The following WWOX variants were observed in gnomAD, a reference collection of about 807,000 sequenced individuals.
The protein encoded by WWOX is WW domain containing oxidoreductase.
WWOX carries 69 observed loss-of-function variants against 46.2 expected under a neutral mutation model. The ratio of observed to expected loss-of-function variants is 1.49; its 90% CI spans 1.23 to 1.82. The LOEUF (loss-of-function observed/expected upper bound fraction) is 1.82, where lower values mean the gene tolerates loss of function less well. Ranked by LOEUF, WWOX falls within the 40% of genes most tolerant of loss-of-function variation. The pLI is 0.00. For missense variants in WWOX, 919 were observed against 542.6 expected (o/e 1.69, Z -6.89); for synonymous variants, 359 against 202.6 (o/e 1.77, Z -6.56).
chr16:78,724,658 C>A (rs4888832), intron 8 of WWOX, among the ~76,000 whole-genome samples: 98,389 of 151,754 alleles, frequency 0.65, 33,013 homozygotes, highest in African/African-American at 0.84. Context: ...CCATGCAATT[C>A]CCTCTCAGTT....
intron 7 of WWOX, 30 bp downstream of exon 7, chr16:78,425,085 A>C: frequency 6.2e-7 from 1 of 1,611,692 alleles, no homozygotes; most frequent in Non-Finnish European, 8.5e-7. Context: ...TTGTTCACTT[A>C]TCCCCTTTCT....
chr16:78,696,196 TA>T (rs770068071), intron 8 of WWOX, among the ~76,000 whole-genome samples: 1 of 152,214 alleles, frequency 6.6e-6, no homozygotes, highest in Non-Finnish European at 1.5e-5. Context: ...CAAGTCTTTT[TA>T]ACTCTCTCTG....
chr16:78,877,240 A>G (rs1360879595), intron 8 of WWOX, among the ~76,000 whole-genome samples: 5 of 152,124 alleles, frequency 3.3e-5, no homozygotes, highest in Non-Finnish European at 5.9e-5. Context: ...CAAAATCGTC[A>G]CAGTAGGACA....
chr16:79,005,994 CCT>C (rs2047182777), intron 8 of WWOX, among the ~76,000 whole-genome samples: 1 of 152,158 alleles, frequency 6.6e-6, no homozygotes, highest in Non-Finnish European at 1.5e-5. Context: ...TGTTTAGTCC[CCT>C]CTCTGCAACC....
At position 78,187,640 on chromosome 16, in the gene WWOX, G is replaced by T. The variant is rs144959031; in HGVS notation, c.516+23351G>T. ...TCTGTCCCCAAAAAAAGACGCAAAG[G>T]AGCTCAGTCTTTGAAGGGTTACAGA... On this transcript the variant is annotated intron_variant, in intron 5 of 8. Transcript: ENST00000566780. Among the ~76,000 whole-genome samples, 248 of 152,194 alleles carry T rather than the reference G, an allele frequency of 1.6e-3. 1 individual carries two copies. Among genetic ancestry groups the T allele is most frequent in the African/African-American group, 5.7e-3 (237 of 41,514 alleles).
intron 8 of WWOX, among the ~76,000 whole-genome samples, chr16:78,454,613 C>G (rs567449311): frequency 2.0e-5 from 3 of 152,274 alleles, no homozygotes; most frequent in African/African-American, 7.2e-5. Context: ...TCAAGCGATT[C>G]TCCTGCCTCA....
At chr16:78,130,480 C>T (rs1178273604) in intron 4 of WWOX, among the ~76,000 whole-genome samples, 1 of 152,188 alleles carries the variant, frequency 6.6e-6, no homozygotes, top group African/African-American at 2.4e-5. Flanking sequence ...GCCACTCGGT[C>T]CATGATATTT....
intron 5 of WWOX, among the ~76,000 whole-genome samples, chr16:78,378,922 G>A (rs1022667524): frequency 2.0e-5 from 3 of 152,128 alleles, no homozygotes; most frequent in Admixed American, 6.5e-5. Flanking sequence ...AGAGCTTCCC[G>A]GTGTTACGTC....
intron 8 of WWOX, among the ~76,000 whole-genome samples, chr16:78,915,931 C>T (rs567647412): frequency 1.2e-4 from 18 of 152,284 alleles, no homozygotes; most frequent in Non-Finnish European, 1.8e-4. Context: ...ACACAAAACA[C>T]CCCAAGCTCA....
At chr16:78,710,504 A>G (rs145053685) in intron 8 of WWOX, among the ~76,000 whole-genome samples, 1,959 of 138,520 alleles carry the variant, frequency 0.014, 94 homozygotes, top group African/African-American at 0.049. Flanking sequence ...ATATATTTAT[A>G]TAAATATATT....
chr16:78,415,223 G>A (rs1048812654), intron 6 of WWOX, among the ~76,000 whole-genome samples: 3 of 151,924 alleles, frequency 2.0e-5, no homozygotes, highest in African/African-American at 7.3e-5. Context: ...ACCATATAGG[G>A]TAACTTCTTG....
chr16:78,411,221 G>C (rs1021625441), intron 6 of WWOX, among the ~76,000 whole-genome samples: 1 of 152,166 alleles, frequency 6.6e-6, no homozygotes, highest in Non-Finnish European at 1.5e-5. Flanking sequence ...AGCATTGGGA[G>C]TCATTTGGAC....
chr16:78,967,250 A>AACAACTGGGAGGC (rs1358943980), intron 8 of WWOX, among the ~76,000 whole-genome samples: 2 of 149,318 alleles, frequency 1.3e-5, no homozygotes, highest in Non-Finnish European at 3.0e-5. Flanking sequence ...TCTAGCCCCA[A>AACAACTGGGAGGC]ACAACTGGGA....
intron 8 of WWOX, among the ~76,000 whole-genome samples, chr16:78,801,132 C>A (rs2050874763): frequency 6.6e-6 from 1 of 151,898 alleles, no homozygotes; most frequent in South Asian, 2.1e-4. Context: ...TGGCTCACTG[C>A]AGCCTCCACC....
At chr16:78,329,918 T>C (rs1033573207) in intron 5 of WWOX, among the ~76,000 whole-genome samples, 1 of 151,958 alleles carries the variant, frequency 6.6e-6, no homozygotes, top group Non-Finnish European at 1.5e-5. Flanking sequence ...AGCTAATCTT[T>C]TAGTTTTTGT....
At chr16:78,269,860 C>T (rs913590719) in intron 5 of WWOX, among the ~76,000 whole-genome samples, 1 of 150,082 alleles carries the variant, frequency 6.7e-6, no homozygotes, top group Non-Finnish European at 1.5e-5. Flanking sequence ...TGAAAAATGT[C>T]ACCGTATTAG....
At chr16:78,498,844 G>A (rs1018747473) in intron 8 of WWOX, among the ~76,000 whole-genome samples, 1 of 146,162 alleles carries the variant, frequency 6.8e-6, no homozygotes, top group Non-Finnish European at 1.5e-5. Context: ...AGGAATACAG[G>A]CAGGAGCCAC....
At chr16:78,723,901 C>A (rs1440555721) in intron 8 of WWOX, among the ~76,000 whole-genome samples, 2 of 152,146 alleles carry the variant, frequency 1.3e-5, no homozygotes, top group Non-Finnish European at 2.9e-5. Flanking sequence ...GCCCCAAAGA[C>A]AGTCTAGTTT....
At position 78,726,972 on chromosome 16, in the gene WWOX, C is replaced by G. The variant is rs1239880483; in HGVS notation, c.1056+294220C>G. On this transcript the variant is annotated intron_variant, in intron 8 of 8. Coordinates refer to ENST00000566780, the MANE Select transcript of WWOX (RefSeq NM_016373.4). The stretch of plus-strand genomic sequence containing the variant: ...CTGAGCTTTTGTGTTTTTGGTCATC[C>G]CAATGTGCTTTTCCTTTTTCCTGAG... Among the ~76,000 whole-genome samples, 4 of 152,244 alleles carry G rather than the reference C, an allele frequency of 2.6e-5. No individual in the cohort carries two copies. The South Asian group carries it at 8.3e-4, about 32-fold the overall frequency.
Sources: gnomAD v4.1 joint callset for allele counts (sites outside exome capture counted in the v4.1 genomes callset) on GRCh38, gnomAD v4.1.1 for gene constraint, MANE v1.5 for transcripts, NCBI Gene and HGNC (gene_info 2026-07-23, HGNC 2026-07-21) for gene names.